RUVBL1: variants seen among roughly 807,000 people sequenced by gnomAD.
RUVBL1 encodes ruvB-like 1.
RUVBL1 carries 4 observed loss-of-function variants against 52.4 expected under a neutral mutation model. That is an observed-to-expected ratio of 0.08 (90% confidence interval 0.04 to 0.17). The LOEUF is 0.17. Ranked by LOEUF, RUVBL1 falls within the 10% of genes least tolerant of loss-of-function variation. The pLI is 1.00. For missense variants in RUVBL1, 298 were observed against 572.8 expected (o/e 0.52, Z 4.90); for synonymous variants, 217 against 214.4 (o/e 1.01, Z -0.10).
Position 128,098,907 on chromosome 3 carries a change from C to T in RUVBL1, c.792G>A (p.Met264Ile). The change falls in exon 7 of 11, where the codon ATG (methionine) becomes ATA (isoleucine). Residue 264 changes from methionine (M) to isoleucine (I), a missense_variant. Met to Ile is a conservative substitution (Grantham distance 10, BLOSUM62 1). Around this residue, in one of 5 missense-constraint regions of RUVBL1, gnomAD observed 161 missense variants for 298.3 expected, o/e 0.54. Coordinates refer to ENST00000322623, the MANE Select transcript of RUVBL1 (RefSeq NM_003707.3). ...QDILSMMGQL[M>I]KPKKTEITDK... ...CTGTGATTTCTGTCTTCTTTGGCTTCATTAGCTGGCCCATCATGGACAGGA... is the reference window on the plus strand; with the variant it reads ...CTGTGATTTCTGTCTTCTTTGGCTTTATTAGCTGGCCCATCATGGACAGGA... The T allele has an allele frequency of 6.2e-7, 1 of 1,614,136 alleles. No homozygotes were observed. The highest frequency in any genetic ancestry group is 8.5e-7 in the Non-Finnish European group (1 of 1,179,994).
chr3:128,122,388 G>A (rs1016630439), intron 1 of RUVBL1, among the ~76,000 whole-genome samples: 2 of 152,196 alleles, frequency 1.3e-5, no homozygotes, highest in African/African-American at 2.4e-5. Flanking sequence ...GTATTTACAA[G>A]TCTTTCAACT....
At chr3:128,101,116 A>C (rs1943099185) in intron 5 of RUVBL1, among the ~76,000 whole-genome samples, 2 of 152,228 alleles carry the variant, frequency 1.3e-5, no homozygotes, top group Admixed American at 6.5e-5. Flanking sequence ...CCATCCATTA[A>C]ACAGTGAGGA....
chr3:128,150,245 C>T (rs770423551), intron 1 of RUVBL1, among the ~76,000 whole-genome samples: 53 of 152,106 alleles, frequency 3.5e-4, no homozygotes, highest in Non-Finnish European at 6.6e-4. Flanking sequence ...ATGTCTGCCA[C>T]ACAGCAGGTG....
chr3:128,152,908 T>TCCTACC (rs1944256372), intron 1 of RUVBL1, among the ~76,000 whole-genome samples: 7 of 2,804 alleles, frequency 2.5e-3, no homozygotes, highest in Non-Finnish European at 3.7e-3. Flanking sequence ...CCCCCCGCCC[T>TCCTACC]CCCCCGCCCC....
At chr3:128,092,328 C>G (rs1362060993) in intron 8 of RUVBL1, among the ~76,000 whole-genome samples, 1 of 152,084 alleles carries the variant, frequency 6.6e-6, no homozygotes, top group Non-Finnish European at 1.5e-5. Context: ...ACCAGAAACA[C>G]AAACAACAAA....
chr3:128,080,895 G>A lies in RUVBL1; in HGVS notation c.*355C>T, dbSNP rs1435439328. The A allele has an allele frequency of 2.4e-5, 5 of 205,248 alleles. No homozygotes were observed. The highest frequency in any genetic ancestry group is 1.1e-4 in the African/African-American group (5 of 43,500). 12.7% of individuals were successfully genotyped at this position (205,248 alleles called of 1,614,324 possible). On this transcript the variant is annotated 3_prime_UTR_variant, in exon 11 of 11. Transcript: ENST00000322623. ...TCTGATGTAACACGTTAACAAGAAG[G>A]GAAACTGGGTACAAGATACATGGGA...
At chr3:128,105,865 C>CTTTTTTTTTTT (rs11311563) in intron 3 of RUVBL1, among the ~76,000 whole-genome samples, 5 of 88,910 alleles carry the variant, frequency 5.6e-5, no homozygotes, top group Non-Finnish European at 8.6e-5. Flanking sequence ...TTCCCTTTTT[C>CTTTTTTTTTTT]TTTTTTTTTT....
intron 9 of RUVBL1, chr3:128,070,345 T>C (rs1007604733): frequency 3.9e-5 from 6 of 152,408 alleles, no homozygotes; most frequent in African/African-American, 1.4e-4. Flanking sequence ...GCTTAGAGTC[T>C]GCCTGTTTCT....
At position 128,098,878 on chromosome 3, in the gene RUVBL1, C is replaced by T; in HGVS notation, c.817+4G>A. 6.2e-7 allele frequency: 1 copy of T among 1,613,686 alleles called. No homozygotes were observed. Among genetic ancestry groups the T allele is most frequent in the African/African-American group, 1.3e-5 (1 of 75,026 alleles). On this transcript the variant is annotated splice_donor_region_variant and intron_variant, in intron 7 of 10. Transcript: ENST00000322623. ...TTGCTCACAGGGCACACTGGTTCTCCTACCTGTGATTTCTGTCTTCTTTGG... is the reference window on the plus strand; with the variant it reads ...TTGCTCACAGGGCACACTGGTTCTCTTACCTGTGATTTCTGTCTTCTTTGG...
At chr3:128,150,755 CTATATATTCTATATATTATATATTCTA>C (rs1559841300) in intron 1 of RUVBL1, among the ~76,000 whole-genome samples, 1 of 100,578 alleles carries the variant, frequency 9.9e-6, no homozygotes, top group African/African-American at 4.1e-5. Context: ...TATATATTCT[CTATATATTCTATATATTATATATTCTA>C]TATATATTCT....
intron 9 of RUVBL1, among the ~76,000 whole-genome samples, chr3:128,066,281 TAG>T (rs1369664491): frequency 6.6e-6 from 1 of 152,070 alleles, no homozygotes; most frequent in Non-Finnish European, 1.5e-5. Flanking sequence ...CATCACCAGC[TAG>T]AGAGAAGCGC....
At chr3:128,153,393 A>G in exon 1 of RUVBL1, 4 of 1,393,564 alleles carry the variant, frequency 2.9e-6, no homozygotes, top group Non-Finnish European at 3.7e-6. Flanking sequence ...TCCGGGCCGG[A>G]ACGGGTGTGC....
intron 1 of RUVBL1, among the ~76,000 whole-genome samples, chr3:128,138,558 C>T (rs934623944): frequency 1.3e-5 from 2 of 151,186 alleles, no homozygotes; most frequent in Middle Eastern, 3.2e-3. Context: ...GAAGAGGCCA[C>T]AAAAAATGAA....
rs140315883 is a variant in RUVBL1, at chr3:128,112,418, C to T, written c.361+470G>A. Among the ~76,000 whole-genome samples, 555 of 152,266 alleles carry T rather than the reference C, an allele frequency of 3.6e-3. 2 individuals are homozygous for T. The highest frequency in any genetic ancestry group is 0.012 in the African/African-American group (514 of 41,550). On this transcript the variant is annotated intron_variant, in intron 3 of 10. Coordinates refer to ENST00000322623, the MANE Select transcript of RUVBL1 (RefSeq NM_003707.3). ...ATAGCCTGAGGCCCTAAGGGTTAGG[C>T]GCCATAAGCCTCTAAGCTCTGCCAG... is the stretch of plus-strand genomic sequence containing the variant.
downstream of RUVBL1, among the ~76,000 whole-genome samples, chr3:128,079,715 C>G (rs992378408): frequency 6.6e-6 from 1 of 152,196 alleles, no homozygotes; most frequent in African/African-American, 2.4e-5. Context: ...GCAGCAGGGA[C>G]GGCTGGGGCC....
intron 1 of RUVBL1, among the ~76,000 whole-genome samples, chr3:128,144,833 G>T (rs1422166379): frequency 6.6e-6 from 1 of 152,166 alleles, no homozygotes; most frequent in Non-Finnish European, 1.5e-5. Context: ...GGGATCCCCT[G>T]GTCCCTCCTT....
rs1246378506 is a variant in RUVBL1, at chr3:128,140,224, G to GTT, written c.-40+12977_-40+12978dup. On this transcript the variant is annotated intron_variant, in intron 1 of 9. Coordinates refer to the RUVBL1 transcript ENST00000464873. ...AATATGATATGATACAAGTTTTTTT[G>GTT]TTTGTTTGTTTTTTTTTTTTTTGAG... 1.0e-3 allele frequency among the ~76,000 whole-genome samples: 14 copies of GTT among 13,776 alleles called. 1 individual carries two copies. The highest frequency in any genetic ancestry group is 0.042 in the Middle Eastern group (1 of 24). The allele number at this position is 13,776 out of a possible 152,430, so 9.0% of individuals were successfully genotyped here.
intron 1 of RUVBL1, among the ~76,000 whole-genome samples, chr3:128,129,974 C>T (rs755509718): frequency 4.6e-5 from 7 of 152,108 alleles, no homozygotes; most frequent in African/African-American, 9.6e-5. Context: ...TACCTAAAGC[C>T]GCCTAACTGT....
chr3:128,118,789 C>T (rs979754777), intron 2 of RUVBL1, among the ~76,000 whole-genome samples: 3 of 152,216 alleles, frequency 2.0e-5, no homozygotes, highest in Non-Finnish European at 4.4e-5. Flanking sequence ...TTAGTCAATA[C>T]CTCAAAGCTG....
Sources: allele counts gnomAD v4.1 joint callset (sites outside exome capture counted in the v4.1 genomes callset), GRCh38; gene constraint gnomAD v4.1.1; regional missense constraint gnomAD v4.1.1; transcripts MANE v1.5; gene names NCBI Gene and HGNC (gene_info 2026-07-23, HGNC 2026-07-21).